PIGN: variants seen among roughly 807,000 people sequenced by gnomAD.
The protein encoded by PIGN is phosphatidylinositol glycan anchor biosynthesis class N.
A neutral mutation model predicts 125.4 loss-of-function variants in PIGN; 117 were observed. The ratio of observed to expected loss-of-function variants is 0.93; its 90% CI spans 0.80 to 1.09. The LOEUF (loss-of-function observed/expected upper bound fraction) is 1.09, where lower values mean the gene tolerates loss of function less well. Ranked by LOEUF, PIGN falls within the 50% of genes least tolerant of loss-of-function variation. The pLI, the probability that PIGN is intolerant of heterozygous loss-of-function variation, is 0.00. For missense variants in PIGN, 1,075 were observed against 1,094.9 expected, an observed-to-expected ratio of 0.98 and a Z score of 0.26; for synonymous variants, 392 against 377.8, an observed-to-expected ratio of 1.04 and a Z score of -0.44.
chr18:62,172,227 C>T (rs75447564), intron 1 of PIGN, among the ~76,000 whole-genome samples: 4,510 of 152,162 alleles, frequency 0.03, 214 homozygotes, highest in African/African-American at 0.1. Context: ...CCATTTCATC[C>T]TAACTGTCAA....
At chr18:62,049,248 T>G (rs1341060680) in intron 30 of PIGN, among the ~76,000 whole-genome samples, 1 of 152,166 alleles carries the variant, frequency 6.6e-6, no homozygotes, top group African/African-American at 2.4e-5. Context: ...AAATGGTACT[T>G]CTAGTTCTAG....
chr18:62,021,817 G>A (rs1453911154), intron 23 of PIGN, among the ~76,000 whole-genome samples: 11 of 152,064 alleles, frequency 7.2e-5, no homozygotes, highest in Non-Finnish European at 4.4e-5. Context: ...GGACTATTTG[G>A]GGTCTCACAA....
At chr18:62,115,282 G>A (rs1021783433) in intron 14 of PIGN, among the ~76,000 whole-genome samples, 3 of 151,922 alleles carry the variant, frequency 2.0e-5, no homozygotes, top group South Asian at 2.1e-4. Flanking sequence ...TGCATAACCC[G>A]AAACTACATA....
chr18:62,157,604 C>A, intron 5 of PIGN, 83 bp downstream of exon 5: 2 of 1,307,060 alleles, frequency 1.5e-6, no homozygotes, highest in Non-Finnish European at 2.1e-6. Flanking sequence ...CATACCTTCA[C>A]TTTGTGACAT....
Position 62,034,568 on chromosome 18 carries a change from C to T in PIGN, c.2143-16827G>A, listed in dbSNP as rs149393393. On this transcript the variant is annotated intron_variant, in intron 23 of 24. Coordinates refer to the PIGN transcript ENST00000639600. ...GGCCGTGGGAGCCTAACTCTTGCAT[C>T]AGTGTGACCTGGATGTGAGACATGG... Among the ~76,000 whole-genome samples the T allele has an allele frequency of 5.9e-3, 900 of 152,328 alleles. 3 individuals are homozygous for T. The highest frequency in any genetic ancestry group is 0.02 in the South Asian group (96 of 4,826).
chr18:62,089,356 G>GGTGA (rs2033856408), intron 24 of PIGN, among the ~76,000 whole-genome samples: 1 of 152,060 alleles, frequency 6.6e-6, no homozygotes, highest in African/African-American at 2.4e-5. Context: ...AATCCAACAA[G>GGTGA]GTGAGTGCAC....
At chr18:62,168,283 T>C (rs1411426399) in intron 1 of PIGN, among the ~76,000 whole-genome samples, 1 of 152,240 alleles carries the variant, frequency 6.6e-6, no homozygotes, top group African/African-American at 2.4e-5. Context: ...GTAACCATGC[T>C]TTCTTTATTA....
chr18:62,062,816 G>A (rs920066065), intron 30 of PIGN, among the ~76,000 whole-genome samples: 2 of 146,356 alleles, frequency 1.4e-5, no homozygotes, highest in Admixed American at 6.8e-5. Context: ...TATAAGTGCT[G>A]ATATGTCATT....
intron 14 of PIGN, among the ~76,000 whole-genome samples, chr18:62,125,248 G>A (rs886896513): frequency 8.8e-5 from 11 of 124,974 alleles, no homozygotes; most frequent in South Asian, 2.8e-4. Flanking sequence ...AAATATACAC[G>A]TTTGTATATA....
At chr18:62,053,696 G>GAACAAC (rs1383579398) in intron 30 of PIGN, among the ~76,000 whole-genome samples, 1 of 152,146 alleles carries the variant, frequency 6.6e-6, no homozygotes, top group Non-Finnish European at 1.5e-5. Flanking sequence ...AAAATTGATA[G>GAACAAC]AACAACAACA....
chr18:62,057,581 A>G lies in PIGN; in HGVS notation c.2673-11602T>C, dbSNP rs188161354. On this transcript the variant is annotated intron_variant, in intron 30 of 30. Coordinates refer to ENST00000640252, the MANE Select transcript of PIGN (RefSeq NM_176787.5). ...CCTTCTCCCTCTCTCGATCCCTCCA[A>G]TAGGTTCTTTACATTGTGGCCAGTG... 9.2e-5 allele frequency among the ~76,000 whole-genome samples: 14 copies of G among 152,308 alleles called. No homozygotes were observed. The East Asian group carries it at 1.7e-3, about 19-fold the overall frequency.
In PIGN at chr18:62,072,706, T is replaced by A. The variant is rs746555408; in HGVS notation, c.2639A>T (p.Lys880Met). The A allele has an allele frequency of 6.3e-7, 1 of 1,598,128 alleles. No homozygotes were observed. Among genetic ancestry groups the A allele is most frequent in the African/African-American group, 1.4e-5 (1 of 73,486 alleles). The change falls in exon 30 of 31, where the codon AAG becomes ATG. Residue 880 changes from lysine to methionine, a missense_variant. Coordinates refer to ENST00000640252, the MANE Select transcript of PIGN (RefSeq NM_176787.5). Reference sequence around the variant, plus strand: ...AATATCAAGCCAGCTGCCATAATCCTTGACCAAGAAGAAAAAATGCTGTAA... The same window carrying A: ...AATATCAAGCCAGCTGCCATAATCCATGACCAAGAAGAAAAAATGCTGTAA... ...IMALHFFFLV[K>M]DYGSWLDIGT...
chr18:62,074,326 C>G (rs2033056685), intron 29 of PIGN, among the ~76,000 whole-genome samples: 1 of 152,186 alleles, frequency 6.6e-6, no homozygotes, highest in African/African-American at 2.4e-5. Flanking sequence ...CTACATACAT[C>G]AGAACTCATT....
At chr18:62,161,785 T>C (rs2036961517) in intron 3 of PIGN, among the ~76,000 whole-genome samples, 1 of 152,236 alleles carries the variant, frequency 6.6e-6, no homozygotes, top group Non-Finnish European at 1.5e-5. Flanking sequence ...CAACTCTTGG[T>C]TGTACATATG....
intron 30 of PIGN, among the ~76,000 whole-genome samples, chr18:62,071,890 A>G (rs1599450753): frequency 7.7e-6 from 1 of 129,668 alleles, no homozygotes; most frequent in African/African-American, 2.9e-5. Context: ...ATATATATAT[A>G]TATATATATA....
chr18:62,122,767 T>A (rs1282906388), intron 14 of PIGN, among the ~76,000 whole-genome samples: 1 of 152,164 alleles, frequency 6.6e-6, no homozygotes, highest in Non-Finnish European at 1.5e-5. Context: ...AAGAAAGCAG[T>A]TTAAACATTG....
At chr18:62,101,240 A>C in intron 21 of PIGN, 57 bp from the exon 22 acceptor site, 1 of 934,404 alleles carries the variant, frequency 1.1e-6, no homozygotes, top group South Asian at 1.4e-5. Context: ...GACTCTAACT[A>C]GCAAGAATGT....
intron 25 of PIGN, 97 bp downstream of exon 25, chr18:62,088,659 A>G: frequency 1.4e-6 from 1 of 716,568 alleles, no homozygotes; most frequent in South Asian, 1.7e-5. Context: ...AGTACTTAAC[A>G]CCACTATTAA....
intron 8 of PIGN, among the ~76,000 whole-genome samples, 175 bp downstream of exon 8, chr18:62,148,039 T>C (rs1210686796): frequency 6.6e-6 from 1 of 152,076 alleles, no homozygotes; most frequent in East Asian, 1.9e-4. Flanking sequence ...ATACAGCACA[T>C]ATGATTTAAA....
Sources: allele counts gnomAD v4.1 joint callset (sites outside exome capture counted in the v4.1 genomes callset), GRCh38; gene constraint gnomAD v4.1.1; transcripts MANE v1.5; gene names NCBI Gene and HGNC (gene_info 2026-07-23, HGNC 2026-07-21).